The following NUDT21 variants were observed in gnomAD, a reference collection of about 807,000 sequenced individuals.
NUDT21 encodes the protein cleavage and polyadenylation specificity factor subunit 5.
NUDT21 carries 5 observed loss-of-function variants against 29.8 expected under a neutral mutation model. That is an observed-to-expected ratio of 0.17 (90% CI 0.09 to 0.35). The LOEUF is 0.35. Ranked by LOEUF, NUDT21 falls within the 10% of genes least tolerant of loss-of-function variation. The pLI, the probability that NUDT21 is intolerant of heterozygous loss-of-function variation, is 1.00. For synonymous variants in NUDT21, 113 were observed against 98.5 expected (o/e 1.15, Z -0.87); for missense variants, 76 against 276.0 (o/e 0.28, Z 5.13).
Position 56,435,760 on chromosome 16 carries a change from T to C in NUDT21, c.472-931A>G, listed in dbSNP as rs374072569. Among the ~76,000 whole-genome samples, 10 of 82,376 alleles carry C rather than the reference T, an allele frequency of 1.2e-4. 2 individuals carry two copies. Among genetic ancestry groups the C allele is most frequent in the Non-Finnish European group, 1.8e-4 (7 of 38,734 alleles). The allele number at this position is 82,376 out of a possible 152,430, so 54.0% of individuals were successfully genotyped here. On this transcript the variant is annotated intron_variant, in intron 4 of 6. Transcript: ENST00000300291. ...AAAAAAAATTATATATATATATATATATATATATATATATATATATATATG... is the reference window on the plus strand; with the variant it reads ...AAAAAAAATTATATATATATATATACATATATATATATATATATATATATG...
In NUDT21 at chr16:56,437,613, T is replaced by C. The variant is rs1240121707; in HGVS notation, c.471+2044A>G. On this transcript the variant is annotated intron_variant, in intron 4 of 6. Transcript: ENST00000300291. ...TGCAAGGGAGTTCATGCAACCCTTA[T>C]CCAATGGGGTATAGGAGTCCCTACA... Among the ~76,000 whole-genome samples the C allele has an allele frequency of 2.0e-5, 3 of 152,192 alleles. No individual in the cohort carries two copies. In the East Asian group the frequency reaches 5.8e-4, roughly 29 times the overall value.
chr16:56,430,386 C>T lies in NUDT21; in HGVS notation c.*2326G>A, dbSNP rs1962020320. On this transcript the variant is annotated 3_prime_UTR_variant, in exon 7 of 7. Transcript: ENST00000300291. The stretch of plus-strand genomic sequence containing the variant: ...TTAGTAGTTTTACATAGAATCTGCA[C>T]TATACTTGGATACTCAGGGAAAATA... 1 of 152,102 alleles carries T rather than the reference C, an allele frequency of 6.6e-6. No individual in the cohort carries two copies. Among genetic ancestry groups the T allele is most frequent in the Non-Finnish European group, 1.5e-5 (1 of 68,012 alleles). 9.4% of individuals were successfully genotyped at this position (152,102 alleles called of 1,614,324 possible).
At chr16:56,433,059 C>T (rs964563619) in intron 6 of NUDT21, among the ~76,000 whole-genome samples, 8 of 152,184 alleles carry the variant, frequency 5.3e-5, no homozygotes, top group African/African-American at 1.7e-4. Flanking sequence ...CAGCACAGTT[C>T]CTGCACTTGA....
chr16:56,442,859 A>C (rs1168524832), intron 3 of NUDT21, among the ~76,000 whole-genome samples: 1 of 151,978 alleles, frequency 6.6e-6, no homozygotes, highest in Non-Finnish European at 1.5e-5. Context: ...TGAACCTCTT[A>C]ACTCTTTACT....
intron 6 of NUDT21, 102 bp from the exon 7 acceptor site, chr16:56,432,835 G>T: frequency 1.2e-6 from 1 of 830,818 alleles, no homozygotes; most frequent in Non-Finnish European, 1.8e-6. Context: ...CCCTTAGCAT[G>T]TCTGGCATTT....
At chr16:56,445,303 T>A (rs1962206453) in intron 3 of NUDT21, among the ~76,000 whole-genome samples, 1 of 152,242 alleles carries the variant, frequency 6.6e-6, no homozygotes, top group African/African-American at 2.4e-5. Flanking sequence ...TCCTAACCAC[T>A]TTTTTAATTT....
chr16:56,440,790 G>A (rs888215444), intron 3 of NUDT21, among the ~76,000 whole-genome samples: 4 of 152,086 alleles, frequency 2.6e-5, no homozygotes, highest in Non-Finnish European at 1.5e-5. Context: ...CCAGGCTGGA[G>A]TGCAATGGCG....
intron 1 of NUDT21, among the ~76,000 whole-genome samples, chr16:56,450,530 G>A (rs1329157562): frequency 6.6e-6 from 1 of 152,200 alleles, no homozygotes; most frequent in Non-Finnish European, 1.5e-5. Flanking sequence ...CATAAGGCAT[G>A]GGGCAGGGCA....
rs1962140022 is a variant in NUDT21, at chr16:56,439,705, A to T, written c.423T>A (p.Ile141=). 6.2e-7 allele frequency: 1 copy of T among 1,614,130 alleles called. No homozygotes were observed. Among genetic ancestry groups the T allele is most frequent in the East Asian group, 2.2e-5 (1 of 44,872 alleles). The change falls in exon 4 of 7, where the codon ATT becomes ATA. Residue 141 remains isoleucine (I), a synonymous_variant. Transcript: ENST00000300291. ...RQDGVLQDWV[I]DDCIGNWWRP... The stretch of plus-strand genomic sequence containing the variant: ...TCCACCAGTTACCAATGCAATCGTC[A>T]ATGACCCAGTCTTGCAAAACTCCAT...
At chr16:56,446,449 T>A (rs1962221639) in intron 3 of NUDT21, 177 bp downstream of exon 3, 2 of 515,028 alleles carry the variant, frequency 3.9e-6, no homozygotes, top group Admixed American at 7.5e-5. Flanking sequence ...ATTTTAAAAA[T>A]TGAAATAAGT....
chr16:56,447,579 A>G, intron 2 of NUDT21: 1 of 545,642 alleles, frequency 1.8e-6, no homozygotes, highest in Non-Finnish European at 3.3e-6. Context: ...ATTAACATCA[A>G]CAACATACAG....
Position 56,451,107 on chromosome 16 carries a change from G to A in NUDT21, c.96C>T (p.Thr32=), listed in dbSNP as rs201029264. 4.3e-6 allele frequency: 7 copies of A among 1,613,696 alleles called. No individual in the cohort carries two copies. The highest frequency in any genetic ancestry group is 1.3e-5 in the African/African-American group (1 of 74,932). Reference sequence around the variant, plus strand: ...CTTACAGGTTGATGGTGCGCTCCAGGGTGAGGGGCTTCGTCTGCTGGATGT... The same window carrying A: ...CTTACAGGTTGATGGTGCGCTCCAGAGTGAGGGGCTTCGTCTGCTGGATGT... ...NKYIQQTKPL[T]LERTINLYPL... is the part of the protein sequence containing the mutation. The change falls in exon 1 of 7, where the codon ACC becomes ACT. Residue 32 remains threonine, a synonymous_variant. Coordinates refer to ENST00000300291, the MANE Select transcript of NUDT21 (RefSeq NM_007006.3).
At chr16:56,434,957 A>AG (rs1164461787) in intron 4 of NUDT21, 128 bp from the exon 5 acceptor site, 1 of 598,180 alleles carries the variant, frequency 1.7e-6, no homozygotes, top group Non-Finnish European at 3.0e-6. Context: ...ACCAGGACTT[A>AG]TCTAACAGAT....
At chr16:56,451,057 A>C (rs746490875) in intron 1 of NUDT21, 30 bp downstream of exon 1, 1 of 1,590,034 alleles carries the variant, frequency 6.3e-7, no homozygotes, top group Admixed American at 1.7e-5. Flanking sequence ...TTCACGAGAG[A>C]AATGCCCGCC....
chr16:56,449,703 C>T (rs181955917), intron 1 of NUDT21, among the ~76,000 whole-genome samples: 204 of 152,112 alleles, frequency 1.3e-3, no homozygotes, highest in African/African-American at 4.6e-3. Context: ...TAATAACCAC[C>T]GAAAGTAATC....
intron 3 of NUDT21, among the ~76,000 whole-genome samples, chr16:56,441,081 C>A (rs1962154407): frequency 6.6e-6 from 1 of 152,062 alleles, no homozygotes; most frequent in South Asian, 2.1e-4. Flanking sequence ...TGCTCTGTCA[C>A]TCAGGCTGGA....
At chr16:56,443,901 A>T (rs1191234706) in intron 3 of NUDT21, among the ~76,000 whole-genome samples, 2 of 152,236 alleles carry the variant, frequency 1.3e-5, no homozygotes, top group Admixed American at 6.5e-5. Context: ...AACATTAAAC[A>T]GACGAAGACA....
At chr16:56,435,726 C>CA (rs1962090250) in intron 4 of NUDT21, among the ~76,000 whole-genome samples, 1 of 41,088 alleles carries the variant, frequency 2.4e-5, no homozygotes, top group African/African-American at 9.7e-5. Context: ...ACTCTGTCTC[C>CA]CAAAAAAAAA....
chr16:56,434,906 T>C, intron 4 of NUDT21, 77 bp from the exon 5 acceptor site: 2 of 861,586 alleles, frequency 2.3e-6, no homozygotes, highest in South Asian at 1.5e-5. Context: ...CCCAGTATAG[T>C]ATAAACTGTT....
Sources: gnomAD v4.1 joint callset for allele counts (sites outside exome capture counted in the v4.1 genomes callset) on GRCh38, gnomAD v4.1.1 for gene constraint, MANE v1.5 for transcripts, NCBI Gene and HGNC (gene_info 2026-07-23, HGNC 2026-07-21) for gene names.